The following COL4A1 variants were observed in gnomAD, a reference collection of about 807,000 sequenced individuals.
The protein encoded by COL4A1 is collagen alpha-1(IV) chain.
Under a neutral mutation model 216.6 loss-of-function variants are expected in COL4A1, and 40 were observed. The ratio of observed to expected loss-of-function variants is 0.18; its 90% confidence interval spans 0.14 to 0.24. The LOEUF (loss-of-function observed/expected upper bound fraction) is 0.24, where lower values mean the gene tolerates loss of function less well. Ranked by LOEUF, COL4A1 falls within the 10% of genes least tolerant of loss-of-function variation. The probability of loss-of-function intolerance (pLI) is 1.00; values close to 1 mark genes in which losing one functional copy is unlikely to be tolerated. For synonymous variants in COL4A1, 839 were observed against 810.7 expected (o/e 1.03, Z -0.59); for missense variants, 1,628 against 2,196.8 (o/e 0.74, Z 5.18).
chr13:110,179,533 A>C, intron 29 of COL4A1, 112 bp from the exon 30 acceptor site: 2 of 1,474,956 alleles, frequency 1.4e-6, no homozygotes, highest in Non-Finnish European at 9.4e-7. Context: ...TTTAGTAAGA[A>C]TATTATCTGC....
intron 42 of COL4A1, 70 bp downstream of exon 42, chr13:110,170,477 C>G (rs1877584295): frequency 2.0e-6 from 3 of 1,487,794 alleles, no homozygotes; most frequent in Admixed American, 3.9e-5. Context: ...TTAACTATTT[C>G]TTTTACGCTA....
At chr13:110,269,383 C>T (rs901965345) in intron 1 of COL4A1, among the ~76,000 whole-genome samples, 5 of 152,078 alleles carry the variant, frequency 3.3e-5, no homozygotes, top group East Asian at 3.9e-4. Flanking sequence ...GTCATAAAAA[C>T]GCTTTTTGAA....
chr13:110,166,426 T>C (rs913410603), intron 44 of COL4A1, 123 bp from the exon 45 acceptor site: 9 of 760,382 alleles, frequency 1.2e-5, no homozygotes, highest in Admixed American at 5.5e-5. Context: ...TAAATGCATA[T>C]ACACACACAT....
intron 1 of COL4A1, among the ~76,000 whole-genome samples, chr13:110,286,815 C>T (rs919530779): frequency 6.6e-6 from 1 of 152,192 alleles, no homozygotes; most frequent in Non-Finnish European, 1.5e-5. Flanking sequence ...TTCCCAAGTC[C>T]ACACGATAAA....
rs1877803388 is a variant in COL4A1 at position 110,174,758 on chromosome 13, A to G, written c.3199-9T>C. 3 of 1,612,892 alleles carry G rather than the reference A, an allele frequency of 1.9e-6. No homozygotes were observed. Among genetic ancestry groups the G allele is most frequent in the Non-Finnish European group, 2.5e-6 (3 of 1,178,976 alleles). On this transcript the variant is annotated splice_polypyrimidine_tract_variant and intron_variant, in intron 37 of 51. Coordinates refer to ENST00000375820, the MANE Select transcript of COL4A1 (RefSeq NM_001845.6). ...GCTATCCCTTGATCTCCCTGCAAGT[A>G]AAAGTCAGGCATATTAACTTTACAT...
rs1296592472 is a variant in COL4A1, at chr13:110,179,386, A to G, written c.2229T>C (p.Gly743=). ...CAGGAATGCCGGGAAGACCTGGCAA[A>G]CCTTTGAGTCCCGGTAGACCAACTC... ...EPGVGLPGLK[G]LPGLPGIPGT... is the part of the protein sequence containing the mutation. The change falls in exon 30 of 52, where the codon GGT becomes GGC. Residue 743 remains glycine, a synonymous_variant. Transcript: ENST00000375820. 1.2e-6 allele frequency: 2 copies of G among 1,614,048 alleles called. No individual in the cohort carries two copies. The highest frequency in any genetic ancestry group is 2.2e-5 in the South Asian group (2 of 91,078).
chr13:110,295,422 CTTTTTTT>C (rs5806848), intron 1 of COL4A1, among the ~76,000 whole-genome samples: 2 of 88,186 alleles, frequency 2.3e-5, no homozygotes, highest in Non-Finnish European at 4.5e-5. Flanking sequence ...AGTTCACTTC[CTTTTTTT>C]TTTTTTTTTT....
chr13:110,236,140 T>C (rs1270648988), intron 2 of COL4A1, among the ~76,000 whole-genome samples: 1 of 152,202 alleles, frequency 6.6e-6, no homozygotes, highest in African/African-American at 2.4e-5. Flanking sequence ...ACGACTAGAA[T>C]GTTGTAGATG....
chr13:110,285,124 T>C (rs897175446), intron 1 of COL4A1, among the ~76,000 whole-genome samples: 4 of 152,224 alleles, frequency 2.6e-5, no homozygotes, highest in Non-Finnish European at 4.4e-5. Context: ...ATGTAACCAA[T>C]AGATCAATTT....
At chr13:110,297,228 G>A (rs992315405) in intron 1 of COL4A1, among the ~76,000 whole-genome samples, 1 of 152,162 alleles carries the variant, frequency 6.6e-6, no homozygotes, top group East Asian at 1.9e-4. Flanking sequence ...TGCGGGGTGG[G>A]GGGGCCAGCC....
intron 1 of COL4A1, among the ~76,000 whole-genome samples, chr13:110,279,022 G>A (rs1216294867): frequency 3.9e-5 from 6 of 152,056 alleles, no homozygotes; most frequent in Admixed American, 2.6e-4. Context: ...GCTCCTCTGC[G>A]GAACCCAACT....
chr13:110,202,079 CCTTT>C (rs1879277450), intron 18 of COL4A1, among the ~76,000 whole-genome samples: 1 of 152,188 alleles, frequency 6.6e-6, no homozygotes, highest in African/African-American at 2.4e-5. Context: ...GGTTCTGCTT[CCTTT>C]TGTAATAGTT....
Position 110,176,405 on chromosome 13 carries a change from T to A in COL4A1, c.3058+19A>T. ...CACACGCACACATGCTAAAGAATCC[T>A]CTTCTAAATCCAGTTTACCTGGCAA... is the stretch of plus-strand genomic sequence containing the variant. On this transcript the variant is annotated intron_variant, in intron 36 of 51. Coordinates refer to ENST00000375820, the MANE Select transcript of COL4A1 (RefSeq NM_001845.6). The A allele has an allele frequency of 1.9e-6, 3 of 1,559,106 alleles. No individual in the cohort carries two copies. The highest frequency in any genetic ancestry group is 2.7e-6 in the Non-Finnish European group (3 of 1,129,690).
intron 1 of COL4A1, among the ~76,000 whole-genome samples, chr13:110,297,916 G>A (rs1337356746): frequency 6.7e-6 from 1 of 149,394 alleles, no homozygotes; most frequent in Non-Finnish European, 1.5e-5. Context: ...TTTTACTTTC[G>A]CTGATGTAAA....
At chr13:110,267,565 G>A (rs1463685659) in intron 1 of COL4A1, among the ~76,000 whole-genome samples, 1 of 152,094 alleles carries the variant, frequency 6.6e-6, no homozygotes, top group Non-Finnish European at 1.5e-5. Flanking sequence ...CCACCAGTAA[G>A]CTCCCCTTAT....
chr13:110,252,785 ATAAG>A (rs1468711497), intron 1 of COL4A1, among the ~76,000 whole-genome samples: 3 of 119,610 alleles, frequency 2.5e-5, no homozygotes, highest in African/African-American at 6.0e-5. Flanking sequence ...ACATATAATT[ATAAG>A]TATGTATTAC....
At chr13:110,163,388 C>T (rs1877174662) in intron 47 of COL4A1, 75 bp downstream of exon 47, 1 of 1,293,036 alleles carries the variant, frequency 7.7e-7, no homozygotes, top group African/African-American at 1.5e-5. Context: ...CTGCTGTTTC[C>T]CCATGCCTGG....
At chr13:110,165,471 G>C (rs114675359) in intron 45 of COL4A1, among the ~76,000 whole-genome samples, 2,412 of 152,132 alleles carry the variant, frequency 0.016, 78 homozygotes, top group African/African-American at 0.056. Context: ...GCAAGTCTTG[G>C]CATGTGGTAA....
chr13:110,231,611 T>A (rs934288294), intron 2 of COL4A1, among the ~76,000 whole-genome samples: 1 of 152,174 alleles, frequency 6.6e-6, no homozygotes, highest in Non-Finnish European at 1.5e-5. Flanking sequence ...TCTTCCATCA[T>A]GAACCTGTAG....
Sources: allele counts gnomAD v4.1 joint callset (sites outside exome capture counted in the v4.1 genomes callset), GRCh38; gene constraint gnomAD v4.1.1; transcripts MANE v1.5; gene names NCBI Gene and HGNC (gene_info 2026-07-23, HGNC 2026-07-21).